Variants in TMEM268 observed in about 807,000 individuals in gnomAD.
The protein encoded by TMEM268 is transmembrane protein 268.
A neutral mutation model predicts 39.1 loss-of-function variants in TMEM268; 24 were observed. The observed-to-expected ratio is 0.61, with a 90% CI of 0.44 to 0.86. TMEM268 has a LOEUF of 0.86. Among genes scored for constraint, TMEM268 ranks in the 40% least tolerant of loss-of-function variants. The pLI is 0.00. For synonymous variants in TMEM268, 176 were observed against 173.5 expected, an observed-to-expected ratio of 1.01 and a Z score of -0.12; for missense variants, 409 against 428.6, an observed-to-expected ratio of 0.95 and a Z score of 0.40.
Position 114,613,174 on chromosome 9 carries a change from TC to T in TMEM268, c.-79+1612del, listed in dbSNP as rs377338325. Among the ~76,000 whole-genome samples, 967 of 152,316 alleles carry T rather than the reference TC, an allele frequency of 6.3e-3. 19 individuals are homozygous for T. The highest frequency in any genetic ancestry group is 0.022 in the African/African-American group (916 of 41,572). ...CTTTTAGCTATTACAGGAAACAGCC[TC>T]CAGGTGAATGGAATAAAGCCTGCTG... On this transcript the variant is annotated intron_variant, in intron 1 of 8. Transcript: ENST00000288502.
chr9:114,638,541 C>T lies in TMEM268; in HGVS notation c.667-3C>T, dbSNP rs891136070. The T allele has an allele frequency of 3.2e-6, 5 of 1,556,342 alleles. No individual in the cohort carries two copies. Among genetic ancestry groups the T allele is most frequent in the African/African-American group, 1.4e-5 (1 of 72,376 alleles). ...CTGAGCCCCTTCTCTGTTTCCTTTG[C>T]AGTCCTTGCTGAGAAGCAGATTGAG... is the stretch of plus-strand genomic sequence containing the variant. On this transcript the variant is annotated splice_polypyrimidine_tract_variant and splice_region_variant and intron_variant, in intron 7 of 8. Transcript: ENST00000288502.
chr9:114,631,843 G>A (rs1846413686), intron 5 of TMEM268, among the ~76,000 whole-genome samples: 1 of 152,054 alleles, frequency 6.6e-6, no homozygotes, highest in Admixed American at 6.6e-5. Flanking sequence ...GCTCATGTCT[G>A]TAATCCCAGC....
intron 2 of TMEM268, among the ~76,000 whole-genome samples, chr9:114,620,035 GA>G (rs1394772331): frequency 6.6e-6 from 1 of 151,964 alleles, no homozygotes; most frequent in African/African-American, 2.4e-5. Context: ...CCAACATGGT[GA>G]AACCCCATCT....
chr9:114,607,258 A>T (rs1414153829), upstream of TMEM268, among the ~76,000 whole-genome samples: 1 of 152,178 alleles, frequency 6.6e-6, no homozygotes, highest in Non-Finnish European at 1.5e-5. Context: ...AGCTATGAAC[A>T]TGGGTAGAAA....
intron 2 of TMEM268, chr9:114,622,497 G>A (rs755829973): frequency 1.2e-5 from 12 of 985,088 alleles, no homozygotes; most frequent in Non-Finnish European, 9.6e-6. Context: ...GGAACTGCAG[G>A]CAGGTAGGTT....
chr9:114,631,782 A>C (rs1348517358), intron 5 of TMEM268, among the ~76,000 whole-genome samples: 2 of 152,176 alleles, frequency 1.3e-5, no homozygotes, highest in African/African-American at 4.8e-5. Context: ...TGGAAAATTC[A>C]GTGTACATTA....
rs772733574 is a variant in TMEM268 at position 114,633,831 on chromosome 9, C to T, written c.538C>T (p.Leu180=). The T allele has an allele frequency of 1.2e-5, 20 of 1,607,250 alleles. No individual in the cohort carries two copies. The highest frequency in any genetic ancestry group is 1.6e-5 in the Non-Finnish European group (19 of 1,176,854). The change falls in exon 6 of 9, where the codon CTG becomes TTG. Residue 180 remains leucine (L), a synonymous_variant. Transcript: ENST00000288502. The stretch of plus-strand genomic sequence containing the variant: ...TGGAGCCCTCCTGAGACACCGGGTG[C>T]TGCTGGGGGTGACAGACACAGTGGA... ...ANGALLRHRV[L]LGVTDTVEGC...
chr9:114,627,431 T>A (rs1846211308), intron 4 of TMEM268, among the ~76,000 whole-genome samples: 1 of 152,196 alleles, frequency 6.6e-6, no homozygotes, highest in Non-Finnish European at 1.5e-5. Context: ...ATAAAATATA[T>A]GTATACATCT....
intron 2 of TMEM268, among the ~76,000 whole-genome samples, chr9:114,619,766 G>A (rs763986247): frequency 3.9e-5 from 6 of 152,244 alleles, no homozygotes; most frequent in African/African-American, 9.6e-5. Context: ...ACCAAGCTTC[G>A]GGGGCTCTTG....
intron 4 of TMEM268, among the ~76,000 whole-genome samples, chr9:114,627,591 A>G (rs533628176): frequency 2.0e-5 from 3 of 152,290 alleles, no homozygotes; most frequent in African/African-American, 7.2e-5. Flanking sequence ...CCTGACTCCC[A>G]GGTCCCACTT....
Position 114,624,471 on chromosome 9 carries a change from T to C in TMEM268, c.216+12T>C. ...CTTGGGGCATCCAGGTGAGTGCTGATTTCCTTGAATCCCTACCATTTTCTC... is the reference window on the plus strand; with the variant it reads ...CTTGGGGCATCCAGGTGAGTGCTGACTTCCTTGAATCCCTACCATTTTCTC... On this transcript the variant is annotated intron_variant, in intron 3 of 8. Transcript: ENST00000288502. 1 of 1,559,306 alleles carries C rather than the reference T, an allele frequency of 6.4e-7. No individual in the cohort carries two copies. Among genetic ancestry groups the C allele is most frequent in the Non-Finnish European group, 8.7e-7 (1 of 1,150,292 alleles).
At chr9:114,634,428 C>T (rs1846539914) in intron 6 of TMEM268, among the ~76,000 whole-genome samples, 1 of 152,202 alleles carries the variant, frequency 6.6e-6, no homozygotes, top group Non-Finnish European at 1.5e-5. Flanking sequence ...AGGTCAGATG[C>T]TGAAGGCCTT....
At chr9:114,641,079 T>G (rs190263503) in intron 8 of TMEM268, among the ~76,000 whole-genome samples, 41 of 152,296 alleles carry the variant, frequency 2.7e-4, no homozygotes, top group African/African-American at 9.4e-4. Flanking sequence ...TTTCACCATG[T>G]TGGCCAGGCT....
chr9:114,615,546 A>T (rs1845670294), intron 1 of TMEM268: 1 of 152,540 alleles, frequency 6.6e-6, no homozygotes, highest in Admixed American at 6.5e-5. Context: ...CAATTGAGAT[A>T]ATGCACTACT....
intron 1 of TMEM268, among the ~76,000 whole-genome samples, chr9:114,614,802 ACAGAGGT>A (rs1397373243): frequency 6.6e-6 from 1 of 151,960 alleles, no homozygotes; most frequent in Non-Finnish European, 1.5e-5. Flanking sequence ...AGGACACATA[ACAGAGGT>A]AAATGTGCAG....
At position 114,644,066 on chromosome 9, in the gene TMEM268, G is replaced by C. The variant is rs1398546970; in HGVS notation, c.*753G>C. 2 of 152,254 alleles carry C rather than the reference G, an allele frequency of 1.3e-5. No homozygotes were observed. The highest frequency in any genetic ancestry group is 1.5e-5 in the Non-Finnish European group (1 of 68,038). 9.4% of individuals were successfully genotyped at this position (152,254 alleles called of 1,614,324 possible). ...CTTGTGGTTGTGGTTTTATATTACA[G>C]ATGTAGAACAATGGTTATGTTTCCC... is the stretch of plus-strand genomic sequence containing the variant. On this transcript the variant is annotated 3_prime_UTR_variant, in exon 9 of 9. Transcript: ENST00000288502.
intron 1 of TMEM268, among the ~76,000 whole-genome samples, chr9:114,614,518 G>T (rs919538947): frequency 6.6e-6 from 1 of 152,228 alleles, no homozygotes; most frequent in Non-Finnish European, 1.5e-5. Flanking sequence ...GCTGTTTAAA[G>T]TATTGAGAGA....
rs188824206 is a variant in TMEM268, at chr9:114,626,333, C to T, written c.217-566C>T. Among the ~76,000 whole-genome samples the T allele has an allele frequency of 3.9e-5, 6 of 152,224 alleles. No individual in the cohort carries two copies. The East Asian group carries it at 5.8e-4, about 15-fold the overall frequency. ...TCACGGGGCCTTTATATTCTATAGA[C>T]GCTTTTGTTTGGGCAGGAAGATGTG... On this transcript the variant is annotated intron_variant, in intron 3 of 8. Transcript: ENST00000288502.
At chr9:114,624,040 C>A in intron 2 of TMEM268, 1 of 243,776 alleles carries the variant, frequency 4.1e-6, no homozygotes, top group Non-Finnish European at 8.0e-6. Context: ...TGTTGGGGAA[C>A]ATTTTTTTGT....
Sources: gnomAD v4.1 joint callset for allele counts (sites outside exome capture counted in the v4.1 genomes callset) on GRCh38, gnomAD v4.1.1 for gene constraint, MANE v1.5 for transcripts, NCBI Gene and HGNC (gene_info 2026-07-23, HGNC 2026-07-21) for gene names.